Variants in FTCDNL1 observed in about 807,000 individuals in gnomAD.
FTCDNL1 encodes the protein formiminotransferase cyclodeaminase N-terminal like.
A neutral mutation model predicts 5.9 loss-of-function variants in FTCDNL1; 11 were observed. The observed-to-expected ratio is 1.87, with a 90% CI of 1.18 to 3.10. The LOEUF (loss-of-function observed/expected upper bound fraction) is 3.10, where lower values mean the gene tolerates loss of function less well. Among genes scored for constraint, FTCDNL1 ranks in the 30% most tolerant of loss-of-function variants. The pLI is 0.00. For synonymous variants in FTCDNL1, 58 were observed against 24.8 expected (o/e 2.34, Z -3.99); for missense variants, 115 against 65.5 (o/e 1.76, Z -2.61).
At chr2:199,784,972 G>C (rs545563310) in intron 3 of FTCDNL1, among the ~76,000 whole-genome samples, 69 of 152,250 alleles carry the variant, frequency 4.5e-4, no homozygotes, top group African/African-American at 1.5e-3. Context: ...GGGGAAGTTT[G>C]AGATTCATTT....
intron 3 of FTCDNL1, among the ~76,000 whole-genome samples, chr2:199,790,453 G>A (rs548075138): frequency 3.3e-5 from 5 of 150,336 alleles, no homozygotes; most frequent in East Asian, 2.0e-4. Context: ...AGCCAAGATC[G>A]TGCCACTGCA....
chr2:199,674,527 T>A, the FTCDNL1 span, among the ~76,000 whole-genome samples: 4 of 152,214 alleles, frequency 2.6e-5, no homozygotes, highest in Non-Finnish European at 5.9e-5. Flanking sequence ...CACTCTTCAA[T>A]GCAATTTAAC....
At chr2:199,836,995 G>A (rs561093393) in intron 3 of FTCDNL1, among the ~76,000 whole-genome samples, 1 of 152,316 alleles carries the variant, frequency 6.6e-6, no homozygotes, top group East Asian at 1.9e-4. Context: ...CAGAGCCACA[G>A]TAAGAGAAAA....
In FTCDNL1 at chr2:199,811,340, C is replaced by T. The variant is rs987242826; in HGVS notation, c.*1365G>A. 5.9e-5 allele frequency among the ~76,000 whole-genome samples: 9 copies of T among 152,184 alleles called. No individual in the cohort carries two copies. Among genetic ancestry groups the T allele is most frequent in the African/African-American group, 2.2e-4 (9 of 41,444 alleles). ...TTCTCTCATTTACCCCCCAATAAGT[C>T]ATGTTACAAATAGCCTTATGTCCTA... On this transcript the variant is annotated 3_prime_UTR_variant, in exon 5 of 5. Coordinates refer to ENST00000420128, the MANE Select transcript of FTCDNL1 (RefSeq NM_001363886.2).
the FTCDNL1 span, among the ~76,000 whole-genome samples, chr2:199,751,788 G>A: frequency 6.6e-6 from 1 of 150,886 alleles, no homozygotes; most frequent in South Asian, 2.1e-4. Context: ...TTGACTAGTA[G>A]GTGAAAAGCT....
At chr2:199,815,893 G>A (rs905026543) in intron 4 of FTCDNL1, among the ~76,000 whole-genome samples, 6 of 151,962 alleles carry the variant, frequency 3.9e-5, no homozygotes, top group Admixed American at 6.6e-5. Context: ...CCAGCCACTC[G>A]GGAGGCTGAG....
intron 3 of FTCDNL1, among the ~76,000 whole-genome samples, chr2:199,835,510 G>A (rs772863383): frequency 6.6e-6 from 1 of 152,066 alleles, no homozygotes; most frequent in African/African-American, 2.4e-5. Flanking sequence ...TCTACCAATA[G>A]AGAATAGGTG....
the FTCDNL1 span, among the ~76,000 whole-genome samples, chr2:199,689,564 T>C: frequency 6.6e-6 from 1 of 152,204 alleles, no homozygotes; most frequent in African/African-American, 2.4e-5. Context: ...ATGTGTCTCC[T>C]GGCCCATAAC....
chr2:199,726,236 C>A, the FTCDNL1 span, among the ~76,000 whole-genome samples: 1 of 152,174 alleles, frequency 6.6e-6, no homozygotes, highest in Non-Finnish European at 1.5e-5. Context: ...TTAGCTCCAT[C>A]AGGTCATTTA....
At chr2:199,793,703 T>C (rs774170051) in intron 3 of FTCDNL1, among the ~76,000 whole-genome samples, 13 of 152,096 alleles carry the variant, frequency 8.5e-5, no homozygotes, top group Non-Finnish European at 1.6e-4. Flanking sequence ...GGCTATCGGA[T>C]TGATATTCCC....
At chr2:199,794,442 G>T (rs1270182161) in intron 3 of FTCDNL1, among the ~76,000 whole-genome samples, 1 of 152,158 alleles carries the variant, frequency 6.6e-6, no homozygotes, top group Non-Finnish European at 1.5e-5. Context: ...CTTCTCTATG[G>T]TACAAAACCT....
the FTCDNL1 span, among the ~76,000 whole-genome samples, chr2:199,728,447 A>C: frequency 1.3e-5 from 2 of 152,024 alleles, no homozygotes; most frequent in East Asian, 3.9e-4. Flanking sequence ...ACGGGGTTTC[A>C]CTGTGTTGGT....
At chr2:199,746,394 T>C in the FTCDNL1 span, among the ~76,000 whole-genome samples, 1 of 152,108 alleles carries the variant, frequency 6.6e-6, no homozygotes, top group Non-Finnish European at 1.5e-5. Flanking sequence ...GAGTGACAAG[T>C]TAGAATCCAC....
intron 3 of FTCDNL1, among the ~76,000 whole-genome samples, chr2:199,790,710 C>T (rs571028878): frequency 4.1e-4 from 63 of 152,162 alleles, no homozygotes; most frequent in Non-Finnish European, 7.8e-4. Flanking sequence ...AGCAAATTCA[C>T]TAATAGTTAG....
chr2:199,711,185 C>A, the FTCDNL1 span, among the ~76,000 whole-genome samples: 1 of 152,010 alleles, frequency 6.6e-6, no homozygotes, highest in South Asian at 2.1e-4. Flanking sequence ...GGTATGGGCA[C>A]ATTACTAAAA....
chr2:199,738,932 C>T, the FTCDNL1 span, among the ~76,000 whole-genome samples: 1 of 152,140 alleles, frequency 6.6e-6, no homozygotes, highest in South Asian at 2.1e-4. Context: ...GTAAACACAC[C>T]ATTCTCATGT....
In FTCDNL1 at chr2:199,819,620, G is replaced by A; in HGVS notation, c.349C>T (p.Leu117Phe). ...GGGGCAGCTCCCAGGTCAGGCTGAA[G>A]AGCACTGAAATCCCTCCTCGTGAAC... ...GWFTRRDFSALQPDLGAAPSQ... is the reference protein window; with the variant it reads ...GWFTRRDFSAFQPDLGAAPSQ... Residue 117 changes from leucine to phenylalanine, a missense_variant, in exon 4 of 5, where the codon CTT becomes TTT. By Grantham distance (22) the Leu-to-Phe change is conservative. Coordinates refer to ENST00000420128, the MANE Select transcript of FTCDNL1 (RefSeq NM_001363886.2). 5 of 702,040 alleles carry A rather than the reference G, an allele frequency of 7.1e-6. No individual in the cohort carries two copies. Among genetic ancestry groups the A allele is most frequent in the Non-Finnish European group, 1.3e-5 (5 of 384,774 alleles). The allele number at this position is 702,040 out of a possible 1,614,324, so 43.5% of individuals were successfully genotyped here. A position where few individuals can be genotyped will look rare whatever the true frequency, so the allele number is the denominator to read the frequency against.
chr2:199,794,223 C>T lies in FTCDNL1; in HGVS notation c.212-33388G>A, dbSNP rs559300471. On this transcript the variant is annotated intron_variant, in intron 3 of 3. Transcript: ENST00000416668. ...GAAAATTTTTAATATATTTCCAATG[C>T]TCCTGAAAGGAACTGGGTGGTTTTT... Among the ~76,000 whole-genome samples the T allele has an allele frequency of 1.9e-4, 29 of 152,238 alleles. 1 individual carries two copies. The South Asian group carries it at 5.2e-3, about 27-fold the overall frequency.
intron 3 of FTCDNL1, among the ~76,000 whole-genome samples, chr2:199,765,526 T>G (rs1215087672): frequency 7.4e-6 from 1 of 134,288 alleles, no homozygotes; most frequent in Admixed American, 7.9e-5. Flanking sequence ...CTCTTTTTTG[T>G]CTTCATTATA....
Sources: gnomAD v4.1 joint callset for allele counts (sites outside exome capture counted in the v4.1 genomes callset) on GRCh38, gnomAD v4.1.1 for gene constraint, MANE v1.5 for transcripts, NCBI Gene and HGNC (gene_info 2026-07-23, HGNC 2026-07-21) for gene names.